Variants in APBB2 observed in about 807,000 individuals in gnomAD.
The protein encoded by APBB2 is Fe65-like 1.
Under a neutral mutation model 82.5 loss-of-function variants are expected in APBB2, and 38 were observed. The observed-to-expected ratio is 0.46, with a 90% CI of 0.36 to 0.60. The LOEUF (loss-of-function observed/expected upper bound fraction) is 0.60, where lower values mean the gene tolerates loss of function less well. APBB2 is among the 20% of genes least tolerant of loss of function. The pLI is 0.00. For missense variants in APBB2, 772 were observed against 972.3 expected, an observed-to-expected ratio of 0.79 and a Z score of 2.74; for synonymous variants, 341 against 368.2, an observed-to-expected ratio of 0.93 and a Z score of 0.85.
chr4:41,097,473 C>T (rs1224299497), intron 3 of APBB2, among the ~76,000 whole-genome samples: 3 of 152,154 alleles, frequency 2.0e-5, no homozygotes, highest in Non-Finnish European at 2.9e-5. Flanking sequence ...AAACAAAAGG[C>T]TAAGATCCAG....
At chr4:41,185,375 T>C (rs536176726) in intron 1 of APBB2, among the ~76,000 whole-genome samples, 2 of 152,252 alleles carry the variant, frequency 1.3e-5, no homozygotes, top group South Asian at 2.1e-4. Flanking sequence ...GCCCATGACC[T>C]TTCCCCCTAA....
chr4:41,128,761 A>C lies in APBB2; in HGVS notation c.-261+14226T>G, dbSNP rs181170289. ...ACATCACTTCCCCTACTGTCCTACA[A>C]ACACATTTCCCCTTCCAACTTTCCT... On this transcript the variant is annotated intron_variant, in intron 2 of 17. Coordinates refer to ENST00000508593, the MANE Select transcript of APBB2 (RefSeq NM_004307.2). Among the ~76,000 whole-genome samples, 421 of 152,298 alleles carry C rather than the reference A, an allele frequency of 2.8e-3. 4 individuals are homozygous for C. Among genetic ancestry groups the C allele is most frequent in the South Asian group, 4.4e-3 (21 of 4,826 alleles).
chr4:40,841,314 A>G (rs1032959164), intron 12 of APBB2, among the ~76,000 whole-genome samples: 3 of 152,200 alleles, frequency 2.0e-5, no homozygotes, highest in African/African-American at 4.8e-5. Flanking sequence ...CGCTTTGCCC[A>G]GCAGGAACCA....
At chr4:41,079,856 ATTC>A (rs1341425868) in intron 3 of APBB2, among the ~76,000 whole-genome samples, 1 of 151,968 alleles carries the variant, frequency 6.6e-6, no homozygotes, top group Non-Finnish European at 1.5e-5. Flanking sequence ...CAGCTCACCT[ATTC>A]TTTATATTAG....
rs558262524 is a variant in APBB2 at position 40,859,545 on chromosome 4, C to A, written c.1530-28968G>T. ...ACAGTCTCCTTGCCTCCACTCATCT[C>A]TAACAAGCTGTTCTCACAGGAGCCA... On this transcript the variant is annotated intron_variant, in intron 12 of 17. Coordinates refer to ENST00000508593, the MANE Select transcript of APBB2 (RefSeq NM_004307.2). Among the ~76,000 whole-genome samples, 94 of 152,296 alleles carry A rather than the reference C, an allele frequency of 6.2e-4. 1 individual carries two copies. The highest frequency in any genetic ancestry group is 9.2e-4 in the Admixed American group (14 of 15,298).
At chr4:41,113,676 AATATT>A (rs1560786752) in intron 2 of APBB2, among the ~76,000 whole-genome samples, 1 of 152,218 alleles carries the variant, frequency 6.6e-6, no homozygotes, top group Non-Finnish European at 1.5e-5. Flanking sequence ...ATTATGGACT[AATATT>A]AAGTAATATT....
intron 6 of APBB2, among the ~76,000 whole-genome samples, chr4:41,006,058 A>G (rs2154424560): frequency 6.6e-6 from 1 of 152,342 alleles, no homozygotes; most frequent in South Asian, 2.1e-4. Flanking sequence ...CCGTCCCCTG[A>G]AGTACCTCGT....
intron 17 of APBB2, among the ~76,000 whole-genome samples, chr4:40,818,846 C>T (rs886127155): frequency 3.3e-5 from 5 of 152,212 alleles, no homozygotes; most frequent in Middle Eastern, 3.2e-3. Context: ...CTCTTTTCTA[C>T]GCCCCACCTT....
At chr4:40,894,444 T>C (rs1578246984) in intron 10 of APBB2, among the ~76,000 whole-genome samples, 1 of 152,124 alleles carries the variant, frequency 6.6e-6, no homozygotes, top group Non-Finnish European at 1.5e-5. Context: ...CTAGAAACAG[T>C]GGAGACAGAA....
chr4:40,928,117 C>A (rs374669310), intron 10 of APBB2, among the ~76,000 whole-genome samples: 1 of 152,108 alleles, frequency 6.6e-6, no homozygotes, highest in Non-Finnish European at 1.5e-5. Context: ...TTAACAAATG[C>A]GGCCTGAAGG....
intron 1 of APBB2, among the ~76,000 whole-genome samples, chr4:41,205,896 T>C (rs886489751): frequency 2.6e-5 from 4 of 152,196 alleles, no homozygotes; most frequent in Non-Finnish European, 5.9e-5. Flanking sequence ...TTGCCCTTTG[T>C]CATATGGCTA....
chr4:41,158,581 T>C (rs1764044788), intron 1 of APBB2, among the ~76,000 whole-genome samples: 1 of 152,184 alleles, frequency 6.6e-6, no homozygotes, highest in South Asian at 2.1e-4. Flanking sequence ...TGAGAAACAC[T>C]GGTTGAAAGC....
intron 4 of APBB2, among the ~76,000 whole-genome samples, chr4:41,063,377 C>T (rs1163277531): frequency 6.6e-6 from 1 of 152,212 alleles, no homozygotes; most frequent in Non-Finnish European, 1.5e-5. Context: ...CTATTGGCTA[C>T]AGTATGCAGA....
At chr4:40,869,657 G>A (rs911109047) in intron 12 of APBB2, among the ~76,000 whole-genome samples, 1 of 151,978 alleles carries the variant, frequency 6.6e-6, no homozygotes, top group Non-Finnish European at 1.5e-5. Flanking sequence ...TAAACAAAGT[G>A]GGCCAGAATT....
At chr4:41,018,176 T>C (rs755508101) in intron 5 of APBB2, among the ~76,000 whole-genome samples, 1 of 151,466 alleles carries the variant, frequency 6.6e-6, no homozygotes, top group Non-Finnish European at 1.5e-5. Context: ...CCTCCTTCCT[T>C]GCACACTTTT....
At chr4:41,070,157 C>A (rs1044252995) in intron 3 of APBB2, among the ~76,000 whole-genome samples, 13 of 152,268 alleles carry the variant, frequency 8.5e-5, no homozygotes, top group African/African-American at 2.9e-4. Context: ...ATGAGATAAC[C>A]AAGTCTCGCT....
chr4:41,159,691 T>A (rs113715873), intron 1 of APBB2, among the ~76,000 whole-genome samples: 1 of 151,964 alleles, frequency 6.6e-6, no homozygotes, highest in Non-Finnish European at 1.5e-5. Flanking sequence ...AGCTATAAAG[T>A]GCCTCTAAGC....
intron 10 of APBB2, among the ~76,000 whole-genome samples, chr4:40,915,054 C>T (rs1173013383): frequency 1.3e-5 from 2 of 152,202 alleles, no homozygotes; most frequent in Admixed American, 1.3e-4. Flanking sequence ...TAACTCAGGA[C>T]ATTGCCTGCT....
At chr4:40,857,515 G>C (rs987805730) in intron 12 of APBB2, among the ~76,000 whole-genome samples, 3 of 152,152 alleles carry the variant, frequency 2.0e-5, no homozygotes, top group Admixed American at 6.5e-5. Context: ...CTGTCGCCCA[G>C]GCTGGAGTGC....
Sources: gnomAD v4.1 joint callset for allele counts (sites outside exome capture counted in the v4.1 genomes callset) on GRCh38, gnomAD v4.1.1 for gene constraint, MANE v1.5 for transcripts, NCBI Gene and HGNC (gene_info 2026-07-23, HGNC 2026-07-21) for gene names.